The following OR6N1 variants were observed in gnomAD, a reference collection of about 807,000 sequenced individuals.
OR6N1 encodes the protein olfactory receptor 6N1.
For synonymous variants in OR6N1, 170 were observed against 150.7 expected, an observed-to-expected ratio of 1.13 and a Z score of -0.94; for missense variants, 394 against 371.7, an observed-to-expected ratio of 1.06 and a Z score of -0.49.
At chr1:158,767,904 G>T (rs1657318302) in intron 1 of OR6N1, among the ~76,000 whole-genome samples, 1 of 152,036 alleles carries the variant, frequency 6.6e-6, no homozygotes, top group African/African-American at 2.4e-5. Context: ...CTTTCTCATA[G>T]ACATTAATTA....
At chr1:158,803,761 G>T in the OR6N1 span, among the ~76,000 whole-genome samples, 1 of 152,222 alleles carries the variant, frequency 6.6e-6, no homozygotes, top group Admixed American at 6.5e-5. Context: ...ACATTACCTA[G>T]AATCAGTTAG....
the OR6N1 span, among the ~76,000 whole-genome samples, chr1:158,839,579 C>G: frequency 6.6e-6 from 1 of 152,114 alleles, no homozygotes; most frequent in South Asian, 2.1e-4. Context: ...ACTAGTCCCT[C>G]AAGGAACCTA....
the OR6N1 span, among the ~76,000 whole-genome samples, chr1:158,828,218 A>G: frequency 6.6e-6 from 1 of 151,894 alleles, no homozygotes; most frequent in Non-Finnish European, 1.5e-5. Context: ...ACATTTCAAA[A>G]CCCATCATGC....
At chr1:158,791,047 T>C in the OR6N1 span, among the ~76,000 whole-genome samples, 1 of 152,262 alleles carries the variant, frequency 6.6e-6, no homozygotes, top group Non-Finnish European at 1.5e-5. Flanking sequence ...TTTTTAATTC[T>C]GTTTATGCGA....
At chr1:158,779,254 A>G in the OR6N1 span, among the ~76,000 whole-genome samples, 1 of 152,130 alleles carries the variant, frequency 6.6e-6, no homozygotes, top group African/African-American at 2.4e-5. Context: ...AATGCATAAA[A>G]TGGCAACCAG....
the OR6N1 span, among the ~76,000 whole-genome samples, chr1:158,802,963 A>G: frequency 2.0e-5 from 3 of 152,152 alleles, no homozygotes; most frequent in African/African-American, 7.2e-5. Context: ...TTAGATGGAT[A>G]TGGAGTCCAG....
chr1:158,815,654 A>G, the OR6N1 span, among the ~76,000 whole-genome samples: 2 of 152,168 alleles, frequency 1.3e-5, no homozygotes, highest in African/African-American at 2.4e-5. Flanking sequence ...ATGAATTTCC[A>G]TTGTAGAAAT....
the OR6N1 span, chr1:158,796,089 G>GA: frequency 6.6e-6 from 1 of 152,272 alleles, no homozygotes; most frequent in Non-Finnish European, 1.5e-5. Context: ...CCTACAGTGG[G>GA]AAAACAGTTG....
At chr1:158,797,522 T>C in the OR6N1 span, among the ~76,000 whole-genome samples, 1 of 152,218 alleles carries the variant, frequency 6.6e-6, no homozygotes, top group African/African-American at 2.4e-5. Context: ...TATTTTGTTG[T>C]TTGTTTTTTA....
At chr1:158,800,137 G>T in the OR6N1 span, among the ~76,000 whole-genome samples, 8 of 152,228 alleles carry the variant, frequency 5.3e-5, no homozygotes, top group African/African-American at 1.7e-4. Flanking sequence ...AGACAGAGGG[G>T]TTTAGACCAG....
chr1:158,802,157 C>A, the OR6N1 span, among the ~76,000 whole-genome samples: 9 of 151,380 alleles, frequency 5.9e-5, no homozygotes, highest in Non-Finnish European at 1.5e-5. Context: ...AGGGACACTG[C>A]CTCTTCTGGG....
chr1:158,821,096 A>G, the OR6N1 span, among the ~76,000 whole-genome samples: 4 of 152,298 alleles, frequency 2.6e-5, no homozygotes, highest in African/African-American at 7.2e-5. Context: ...TGGATGTTTT[A>G]TGGCAAAGAA....
At chr1:158,785,635 T>A in the OR6N1 span, among the ~76,000 whole-genome samples, 1 of 152,148 alleles carries the variant, frequency 6.6e-6, no homozygotes, top group East Asian at 1.9e-4. Flanking sequence ...TAGTAATAAC[T>A]ACATAGAGCT....
chr1:158,830,888 G>T, the OR6N1 span, among the ~76,000 whole-genome samples: 2 of 152,012 alleles, frequency 1.3e-5, no homozygotes, highest in Non-Finnish European at 2.9e-5. Context: ...TTAATAACTG[G>T]GTGAATATGT....
At chr1:158,803,776 G>T in the OR6N1 span, among the ~76,000 whole-genome samples, 1 of 152,356 alleles carries the variant, frequency 6.6e-6, no homozygotes, top group East Asian at 1.9e-4. Flanking sequence ...AGTTAGTGTA[G>T]ATATGCGTAC....
chr1:158,798,169 C>G, the OR6N1 span, among the ~76,000 whole-genome samples: 105 of 151,674 alleles, frequency 6.9e-4, no homozygotes, highest in Non-Finnish European at 1.3e-3. Context: ...TTAGTCTTGT[C>G]AGGAGTTTAT....
Position 158,766,213 on chromosome 1 carries a change from A to G in OR6N1, c.470T>C (p.Val157Ala). ...GCGTGAAATCAAGGAAATTTCAACT[A>G]CTGGCCCAGCCAAGCCTCCCAACCA... Reference protein sequence around the residue: ...GCWLGGLAGPVVEISLISRLP... With the variant: ...GCWLGGLAGPAVEISLISRLP... Residue 157 changes from valine (V) to alanine (A), a missense_variant, in exon 2 of 2, where the codon GTA (valine) becomes GCA (alanine). Transcript: ENST00000641846. The G allele has an allele frequency of 6.2e-7, 1 of 1,614,088 alleles. No homozygotes were observed.
At chr1:158,819,601 G>T in the OR6N1 span, among the ~76,000 whole-genome samples, 4 of 152,214 alleles carry the variant, frequency 2.6e-5, no homozygotes, top group East Asian at 7.7e-4. Context: ...CACAAAAAGA[G>T]GAATGTATAC....
At chr1:158,817,296 C>T in the OR6N1 span, among the ~76,000 whole-genome samples, 1 of 152,206 alleles carries the variant, frequency 6.6e-6, no homozygotes, top group South Asian at 2.1e-4. Context: ...GCCTTAGCTA[C>T]TAATGAGCTG....
Sources: gnomAD v4.1 joint callset for allele counts (sites outside exome capture counted in the v4.1 genomes callset) on GRCh38, gnomAD v4.1.1 for gene constraint, MANE v1.5 for transcripts, NCBI Gene and HGNC (gene_info 2026-07-23, HGNC 2026-07-21) for gene names.